WNT4: variants seen among roughly 807,000 people sequenced by gnomAD.
The protein encoded by WNT4 is protein Wnt-4.
A neutral mutation model predicts 34.5 loss-of-function variants in WNT4; 16 were observed. The observed-to-expected ratio is 0.46, with a 90% CI of 0.31 to 0.70. The LOEUF (loss-of-function observed/expected upper bound fraction) is 0.70, where lower values mean the gene tolerates loss of function less well. Ranked by LOEUF, WNT4 falls within the 30% of genes least tolerant of loss-of-function variation. WNT4 has a pLI of 0.04. For synonymous variants in WNT4, 200 were observed against 211.9 expected, an observed-to-expected ratio of 0.94 and a Z score of 0.49; for missense variants, 379 against 495.9, an observed-to-expected ratio of 0.76 and a Z score of 2.24.
At position 22,126,725 on chromosome 1, in the gene WNT4, G is replaced by T. The variant is rs1259942432; in HGVS notation, c.313+2891C>A. 2.6e-5 allele frequency among the ~76,000 whole-genome samples: 4 copies of T among 152,338 alleles called. No homozygotes were observed. The East Asian group carries it at 7.7e-4, about 29-fold the overall frequency. ...CCAGTCCTGAGAGCATGTGAGTGAGGCCCGCTTACACAGGCTACTGCAGAT... is the reference window on the plus strand; with the variant it reads ...CCAGTCCTGAGAGCATGTGAGTGAGTCCCGCTTACACAGGCTACTGCAGAT... On this transcript the variant is annotated intron_variant, in intron 2 of 4. Coordinates refer to ENST00000290167, the MANE Select transcript of WNT4 (RefSeq NM_030761.5).
Position 22,139,559 on chromosome 1 carries a change from C to A in WNT4, c.77+3287G>T, listed in dbSNP as rs1646049909. Among the ~76,000 whole-genome samples the A allele has an allele frequency of 1.3e-5, 2 of 152,302 alleles. No individual in the cohort carries two copies. Among genetic ancestry groups the A allele is most frequent in the South Asian group, 4.1e-4 (2 of 4,826 alleles). On this transcript the variant is annotated intron_variant, in intron 1 of 4. Coordinates refer to ENST00000290167, the MANE Select transcript of WNT4 (RefSeq NM_030761.5). The surrounding 1 kb of genome is among the most constrained non-coding windows in gnomAD (Gnocchi z 4.6). ...ATTCTGCTAGAACCCCGCTACCCCA[C>A]TACTTTCCTCAGAAATCCACAGTCC...
In WNT4 at chr1:22,119,060, G is replaced by GGT. The variant is rs142659556; in HGVS notation, c.*988_*989dup. ...AGCCCTTTCCTCCCTCCCTCTCGCA[G>GGT]GTGTGTGTGTGTGTGTTTTCCTTTT... On this transcript the variant is annotated 3_prime_UTR_variant, in exon 5 of 5. Transcript: ENST00000290167. 79 of 152,834 alleles carry GGT rather than the reference G, an allele frequency of 5.2e-4. No homozygotes were observed. Among genetic ancestry groups the GGT allele is most frequent in the East Asian group, 9.5e-4 (5 of 5,268 alleles). 9.5% of individuals were successfully genotyped at this position (152,834 alleles called of 1,614,324 possible). A position where few individuals can be genotyped will look rare whatever the true frequency, so the allele number is the denominator to read the frequency against.
Position 22,118,252 on chromosome 1 carries a change from A to T in WNT4, c.*1798T>A, listed in dbSNP as rs1466619557. ...TCTCGGACGTTGAATTCAGCCACTG[A>T]ACACAGGAGCCAGGAGCTTGGAGTC... is the stretch of plus-strand genomic sequence containing the variant. On this transcript the variant is annotated 3_prime_UTR_variant, in exon 5 of 5. Transcript: ENST00000290167. 6.6e-6 allele frequency: 1 copy of T among 152,256 alleles called. No homozygotes were observed. Among genetic ancestry groups the T allele is most frequent in the African/African-American group, 2.4e-5 (1 of 41,466 alleles). The allele number at this position is 152,256 out of a possible 1,614,324, so 9.4% of individuals were successfully genotyped here.
At chr1:22,130,011 C>T (rs113243226) in intron 1 of WNT4, among the ~76,000 whole-genome samples, 160 bp from the exon 2 acceptor site, 51 of 152,294 alleles carry the variant, frequency 3.3e-4, no homozygotes, top group African/African-American at 1.1e-3. Context: ...CCCTCTTGCC[C>T]GGCTCTAGGG....
At chr1:22,130,477 C>T (rs909816) in intron 1 of WNT4, among the ~76,000 whole-genome samples, 26,255 of 152,176 alleles carry the variant, frequency 0.17, 2,383 homozygotes, top group African/African-American at 0.21. Flanking sequence ...GCTGTGTGGA[C>T]GCTTCAAAAG....
chr1:22,134,809 C>T lies in WNT4; in HGVS notation c.78-4958G>A, dbSNP rs1380942529. ...TCCTCTGGCCACCCCTCTGCTGCAC[C>T]CCAGACCAGACCCATGCTGACTTCT... On this transcript the variant is annotated intron_variant, in intron 1 of 4. Transcript: ENST00000290167. This position sits in a 1 kb window ranked among gnomAD's most constrained non-coding sequence, Gnocchi z 4.1. Among the ~76,000 whole-genome samples the T allele has an allele frequency of 6.6e-6, 1 of 152,322 alleles. No homozygotes were observed. The highest frequency in any genetic ancestry group is 2.1e-4 in the South Asian group (1 of 4,824).
At position 22,121,517 on chromosome 1, in the gene WNT4, T is replaced by C. The variant is rs1320655060; in HGVS notation, c.373A>G (p.Thr125Ala). The C allele has an allele frequency of 6.2e-7, 1 of 1,613,802 alleles. No individual in the cohort carries two copies. The highest frequency in any genetic ancestry group is 8.5e-7 in the Non-Finnish European group (1 of 1,180,012). The change falls in exon 3 of 5, where the codon ACG becomes GCG. Residue 125 changes from threonine (T) to alanine (A), a missense_variant. Thr to Ala is a moderately conservative substitution (Grantham distance 58). This residue lies in a region of WNT4 where 313 missense variants were observed against 445.8 expected (regional missense o/e 0.70). Transcript: ENST00000290167. ...ISSAGVAFAV[T>A]RACSSGELEK... ...AGCTCCCCACTGCTGCACGCCCGCG[T>C]CACTGCAAAGGCCACACCTGCCGAA...
intron 4 of WNT4, 89 bp downstream of exon 4, chr1:22,121,121 GT>G: frequency 6.4e-7 from 1 of 1,573,372 alleles, no homozygotes; most frequent in Non-Finnish European, 8.6e-7. Flanking sequence ...CTGCACAAAT[GT>G]TTTCTGAGTG....
At position 22,139,426 on chromosome 1, in the gene WNT4, ACTCAGCTGGGCAGGGCAGAGCTCGG is replaced by A. The variant is rs1163623802; in HGVS notation, c.77+3395_77+3419del. ...AGAGGTTAATAACCTGTCCAAGGTC[ACTCAGCTGGGCAGGGCAGAGCTCGG>A]TTGGATCTCAAAGACCCACTTCTTG... On this transcript the variant is annotated intron_variant, in intron 1 of 4. Coordinates refer to ENST00000290167, the MANE Select transcript of WNT4 (RefSeq NM_030761.5). This position sits in a 1 kb window ranked among gnomAD's most constrained non-coding sequence, Gnocchi z 4.6. 4.6e-5 allele frequency among the ~76,000 whole-genome samples: 7 copies of A among 152,082 alleles called. No individual in the cohort carries two copies. The highest frequency in any genetic ancestry group is 1.7e-4 in the African/African-American group (7 of 41,394).
At chr1:22,125,373 C>G (rs1645932416) in intron 2 of WNT4, among the ~76,000 whole-genome samples, 1 of 152,174 alleles carries the variant, frequency 6.6e-6, no homozygotes, top group Admixed American at 6.5e-5. Context: ...GGCTGGGTCA[C>G]AGAGGTAACC....
chr1:22,120,532 G>A lies in WNT4; in HGVS notation c.589-15C>T, dbSNP rs772539633. Reference sequence around the variant, plus strand: ...GTCAGGATGGCCTGTGGGAGAGGGTGGGGGAGAGGGGCCATCAGGAGATGG... The same window carrying A: ...GTCAGGATGGCCTGTGGGAGAGGGTAGGGGAGAGGGGCCATCAGGAGATGG... On this transcript the variant is annotated splice_polypyrimidine_tract_variant and intron_variant, in intron 4 of 4. Coordinates refer to ENST00000290167, the MANE Select transcript of WNT4 (RefSeq NM_030761.5). The A allele has an allele frequency of 3.1e-5, 50 of 1,598,276 alleles. No individual in the cohort carries two copies. The highest frequency in any genetic ancestry group is 4.0e-5 in the Non-Finnish European group (47 of 1,172,688).
chr1:22,142,385 G>GCGGCGCAGCTCGGCGCAGCT lies in WNT4; in HGVS notation c.77+441_77+460dup, dbSNP rs533544598. On this transcript the variant is annotated intron_variant, in intron 1 of 4. Transcript: ENST00000290167. This position sits in a 1 kb window ranked among gnomAD's most constrained non-coding sequence, Gnocchi z 6.0. ...GCACGCCTCCAGCCCAGCCCGCAGC[G>GCGGCGCAGCTCGGCGCAGCT]CGGCGCAGCTCGGCGCAGCTCGGCG... Among the ~76,000 whole-genome samples, 14 of 152,082 alleles carry GCGGCGCAGCTCGGCGCAGCT rather than the reference G, an allele frequency of 9.2e-5. No homozygotes were observed. The highest frequency in any genetic ancestry group is 2.1e-4 in the South Asian group (1 of 4,822).
intron 4 of WNT4, among the ~76,000 whole-genome samples, chr1:22,120,937 A>AT (rs1270238322): frequency 6.6e-6 from 1 of 152,020 alleles, no homozygotes; most frequent in Non-Finnish European, 1.5e-5. Flanking sequence ...CTTTTGGGGA[A>AT]TGAGTGTGTG....
chr1:22,136,931 G>A (rs1462102193), intron 1 of WNT4, among the ~76,000 whole-genome samples: 1 of 152,154 alleles, frequency 6.6e-6, no homozygotes, highest in Non-Finnish European at 1.5e-5. Flanking sequence ...CTTGGGGAAG[G>A]GTCTCTAGGG....
intron 2 of WNT4, among the ~76,000 whole-genome samples, chr1:22,126,818 C>T (rs997986112): frequency 1.3e-5 from 2 of 152,238 alleles, no homozygotes; most frequent in African/African-American, 4.8e-5. Context: ...ACTGTATCTT[C>T]GTGACAGCCT....
chr1:22,122,031 A>G (rs1418508095), intron 2 of WNT4, among the ~76,000 whole-genome samples: 1 of 152,190 alleles, frequency 6.6e-6, no homozygotes, highest in African/African-American at 2.4e-5. Context: ...CCAAGGCTGC[A>G]GGTAGAAAGA....
In WNT4 at chr1:22,137,577, T is replaced by C. The variant is rs568427103; in HGVS notation, c.77+5269A>G. Among the ~76,000 whole-genome samples, 70 of 152,292 alleles carry C rather than the reference T, an allele frequency of 4.6e-4. No individual in the cohort carries two copies. Among genetic ancestry groups the C allele is most frequent in the African/African-American group, 1.7e-3 (69 of 41,568 alleles). On this transcript the variant is annotated intron_variant, in intron 1 of 4. Coordinates refer to ENST00000290167, the MANE Select transcript of WNT4 (RefSeq NM_030761.5). This position sits in a 1 kb window ranked among gnomAD's most constrained non-coding sequence, Gnocchi z 5.3. ...TCCCAGTGTACCCACAGAGCCTGAG[T>C]TGGGCGAGTTTCAACAGGTTTGGGG... is the stretch of plus-strand genomic sequence containing the variant.
rs1646071272 is a variant in WNT4, at chr1:22,141,957, TG to T, written c.77+888del. Among the ~76,000 whole-genome samples the T allele has an allele frequency of 2.6e-5, 4 of 152,242 alleles. No homozygotes were observed. The South Asian group carries it at 8.3e-4, about 32-fold the overall frequency. On this transcript the variant is annotated intron_variant, in intron 1 of 4. Coordinates refer to ENST00000290167, the MANE Select transcript of WNT4 (RefSeq NM_030761.5). ...TGGCAGAGCTCTGGGCAGGAGGAACTGGGGCCAGGGTTAAGCGCGGGGCATG... is the reference window on the plus strand; with the variant it reads ...TGGCAGAGCTCTGGGCAGGAGGAACTGGGCCAGGGTTAAGCGCGGGGCATG...
chr1:22,125,157 C>G (rs1279018305), intron 2 of WNT4, among the ~76,000 whole-genome samples: 1 of 152,208 alleles, frequency 6.6e-6, no homozygotes, highest in Non-Finnish European at 1.5e-5. Context: ...TCGACTCTAA[C>G]ATGGGGATAA....
Sources: gnomAD v4.1 joint callset for allele counts (sites outside exome capture counted in the v4.1 genomes callset) on GRCh38, gnomAD v4.1.1 for gene constraint, gnomAD v4.1.1 regional missense constraint, Gnocchi (gnomAD v3.1) non-coding constraint, MANE v1.5 for transcripts, NCBI Gene and HGNC (gene_info 2026-07-23, HGNC 2026-07-21) for gene names.